Variants in FOXP1 observed in about 807,000 individuals in gnomAD.
The protein encoded by FOXP1 is forkhead box protein P1.
In FOXP1, 15 loss-of-function variants were observed where a neutral mutation model predicts 98.2. The ratio of observed to expected loss-of-function variants is 0.15; its 90% CI spans 0.10 to 0.24. The LOEUF (loss-of-function observed/expected upper bound fraction) is 0.24, where lower values mean the gene tolerates loss of function less well. Ranked by LOEUF, FOXP1 falls within the 10% of genes least tolerant of loss-of-function variation. The pLI is 1.00. For missense variants in FOXP1, 633 were observed against 848.5 expected (o/e 0.75, Z 3.15); for synonymous variants, 371 against 314.5 (o/e 1.18, Z -1.90).
chr3:71,524,501 G>T (rs926161118), intron 2 of FOXP1, among the ~76,000 whole-genome samples: 3 of 149,928 alleles, frequency 2.0e-5, no homozygotes, highest in Non-Finnish European at 2.9e-5. Context: ...GTTTCTACAG[G>T]AGTTAATTTT....
chr3:71,498,015 C>G (rs746590874), intron 2 of FOXP1, among the ~76,000 whole-genome samples: 10 of 152,162 alleles, frequency 6.6e-5, no homozygotes, highest in Non-Finnish European at 1.3e-4. Flanking sequence ...AGCTTTCTCC[C>G]TTTTCAATTT....
At chr3:71,260,581 C>T (rs1253636126) in intron 5 of FOXP1, among the ~76,000 whole-genome samples, 1 of 144,318 alleles carries the variant, frequency 6.9e-6, no homozygotes, top group Non-Finnish European at 1.5e-5. Context: ...TTTTCTCTGT[C>T]GCCCAGGCTG....
At chr3:71,041,096 C>T (rs558076152) in intron 11 of FOXP1, among the ~76,000 whole-genome samples, 23 of 152,178 alleles carry the variant, frequency 1.5e-4, no homozygotes, top group African/African-American at 4.8e-4. Flanking sequence ...ACGACTTCTG[C>T]CCGGGTTCCT....
At chr3:71,152,614 C>T (rs913511514) in intron 6 of FOXP1, among the ~76,000 whole-genome samples, 2 of 152,092 alleles carry the variant, frequency 1.3e-5, no homozygotes, top group Non-Finnish European at 2.9e-5. Flanking sequence ...CTCCTGTGCC[C>T]TAGGTCTGTG....
intron 5 of FOXP1, among the ~76,000 whole-genome samples, chr3:71,267,124 A>AGAGTGTGTGTGTGTGTGTGT (rs142661368): frequency 5.1e-4 from 76 of 148,408 alleles, no homozygotes; most frequent in Non-Finnish European, 7.3e-4. Context: ...TATGGGAGAG[A>AGAGTGTGTGTGTGTGTGTGT]GTGTGTGTGT....
intron 5 of FOXP1, among the ~76,000 whole-genome samples, chr3:71,294,101 G>A (rs1461626757): frequency 6.6e-6 from 1 of 152,186 alleles, no homozygotes; most frequent in African/African-American, 2.4e-5. Flanking sequence ...GTTGTTATCA[G>A]GGGATGGCGG....
intron 12 of FOXP1, among the ~76,000 whole-genome samples, chr3:71,006,010 C>T (rs1376247356): frequency 2.0e-5 from 3 of 151,888 alleles, no homozygotes; most frequent in Admixed American, 6.6e-5. Context: ...AGGAGGAACA[C>T]GGGGGAAAAA....
intron 3 of FOXP1, among the ~76,000 whole-genome samples, chr3:71,452,054 C>T (rs1457743095): frequency 6.6e-6 from 1 of 152,114 alleles, no homozygotes; most frequent in African/African-American, 2.4e-5. Context: ...TTCTCTGTGA[C>T]AAAAGTCAGC....
chr3:71,510,406 G>A (rs1233538958), intron 2 of FOXP1, among the ~76,000 whole-genome samples: 1 of 152,140 alleles, frequency 6.6e-6, no homozygotes, highest in African/African-American at 2.4e-5. Context: ...GAACCCAGGA[G>A]GCAGAGGATG....
intron 2 of FOXP1, among the ~76,000 whole-genome samples, chr3:71,544,811 T>C (rs1420958960): frequency 6.6e-6 from 1 of 150,806 alleles, no homozygotes; most frequent in African/African-American, 2.5e-5. Flanking sequence ...AATAGTTCTT[T>C]TCCAGGCAAT....
chr3:71,363,439 G>T (rs944969033), intron 3 of FOXP1, among the ~76,000 whole-genome samples: 1 of 152,186 alleles, frequency 6.6e-6, no homozygotes, highest in Non-Finnish European at 1.5e-5. Flanking sequence ...CTCTGAGATA[G>T]ATCTGTCATT....
intron 3 of FOXP1, among the ~76,000 whole-genome samples, chr3:71,483,392 G>C (rs2106885439): frequency 6.6e-6 from 1 of 152,292 alleles, no homozygotes; most frequent in East Asian, 1.9e-4. Flanking sequence ...AGAAACACCA[G>C]AGAGCGGGAA....
At chr3:71,468,853 A>G (rs573333948) in intron 3 of FOXP1, among the ~76,000 whole-genome samples, 1 of 152,142 alleles carries the variant, frequency 6.6e-6, no homozygotes, top group African/African-American at 2.4e-5. Flanking sequence ...AGACAACTCC[A>G]CTTGACTGAA....
At chr3:71,387,145 G>A (rs1212053962) in intron 3 of FOXP1, among the ~76,000 whole-genome samples, 1 of 152,196 alleles carries the variant, frequency 6.6e-6, no homozygotes, top group African/African-American at 2.4e-5. Flanking sequence ...CTTCATGACG[G>A]TAACAAAATA....
intron 5 of FOXP1, among the ~76,000 whole-genome samples, chr3:71,275,909 T>G (rs1177044539): frequency 3.9e-5 from 6 of 152,226 alleles, no homozygotes; most frequent in Admixed American, 2.6e-4. Context: ...TGCAGCATTC[T>G]TTTAGCCTGT....
chr3:70,978,983 T>C (rs561548511), intron 14 of FOXP1, among the ~76,000 whole-genome samples: 8 of 152,046 alleles, frequency 5.3e-5, no homozygotes, highest in East Asian at 1.9e-4. Context: ...GAGAATAAAA[T>C]AGGCCGGGCA....
chr3:71,217,229 C>A (rs1002795714), intron 5 of FOXP1, among the ~76,000 whole-genome samples: 1 of 151,966 alleles, frequency 6.6e-6, no homozygotes, highest in African/African-American at 2.4e-5. Context: ...TGTGCCACCA[C>A]GCCCAGCTAA....
chr3:71,431,312 A>G (rs2084696554), intron 3 of FOXP1, among the ~76,000 whole-genome samples: 1 of 152,176 alleles, frequency 6.6e-6, no homozygotes, highest in Non-Finnish European at 1.5e-5. Context: ...GAGTGCGAGA[A>G]TAAGTGGCAA....
chr3:71,150,122 A>G (rs2060496928), intron 6 of FOXP1, among the ~76,000 whole-genome samples: 1 of 152,224 alleles, frequency 6.6e-6, no homozygotes, highest in Non-Finnish European at 1.5e-5. Context: ...TGCTCAGACT[A>G]TTCTTCCTTC....
Sources: gnomAD v4.1 joint callset for allele counts (sites outside exome capture counted in the v4.1 genomes callset) on GRCh38, gnomAD v4.1.1 for gene constraint, MANE v1.5 for transcripts, NCBI Gene and HGNC (gene_info 2026-07-23, HGNC 2026-07-21) for gene names.